Variants in LY96 observed in about 807,000 individuals in gnomAD.
LY96 encodes the protein lymphocyte antigen 96.
A neutral mutation model predicts 18.9 loss-of-function variants in LY96; 18 were observed. The ratio of observed to expected loss-of-function variants is 0.95; its 90% CI spans 0.66 to 1.41. The LOEUF (loss-of-function observed/expected upper bound fraction) is 1.41, where lower values mean the gene tolerates loss of function less well. Ranked by LOEUF, LY96 falls within the 40% of genes most tolerant of loss-of-function variation. The pLI, the probability that LY96 is intolerant of heterozygous loss-of-function variation, is 0.00. For synonymous variants in LY96, 66 were observed against 62.6 expected (o/e 1.06, Z -0.26); for missense variants, 175 against 182.4 (o/e 0.96, Z 0.23).
At chr8:74,009,729 G>A (rs1002679515) in intron 2 of LY96, among the ~76,000 whole-genome samples, 2 of 152,090 alleles carry the variant, frequency 1.3e-5, no homozygotes, top group South Asian at 4.1e-4. Flanking sequence ...TCTCAATGAA[G>A]TTATGAAGGC....
At chr8:74,049,795 A>C in the LY96 span, among the ~76,000 whole-genome samples, 1 of 152,188 alleles carries the variant, frequency 6.6e-6, no homozygotes, top group African/African-American at 2.4e-5. Flanking sequence ...AATTAATGGA[A>C]TATCCATGAG....
At chr8:73,997,779 C>T (rs577381743) in intron 1 of LY96, among the ~76,000 whole-genome samples, 18 of 152,288 alleles carry the variant, frequency 1.2e-4, no homozygotes, top group South Asian at 4.1e-4. Flanking sequence ...TTTATGTTTA[C>T]TGGTTTATTA....
At chr8:74,080,986 CTTTCTT>C in the LY96 span, among the ~76,000 whole-genome samples, 13 of 46,162 alleles carry the variant, frequency 2.8e-4, no homozygotes, top group Admixed American at 4.3e-4. Flanking sequence ...CTTTCTCTCT[CTTTCTT>C]TCTTTCTTTC....
the LY96 span, among the ~76,000 whole-genome samples, chr8:74,046,272 C>T: frequency 1.3e-5 from 2 of 152,146 alleles, no homozygotes; most frequent in Non-Finnish European, 2.9e-5. Context: ...GAGTGAGACT[C>T]CTTCTCAAAA....
chr8:74,008,859 G>A (rs2131266998), intron 2 of LY96, among the ~76,000 whole-genome samples: 1 of 152,260 alleles, frequency 6.6e-6, no homozygotes, highest in Non-Finnish European at 1.5e-5. Context: ...TCCAGGAGTC[G>A]ATGAAATAGA....
chr8:74,080,493 G>A, the LY96 span, among the ~76,000 whole-genome samples: 1 of 152,170 alleles, frequency 6.6e-6, no homozygotes, highest in African/African-American at 2.4e-5. Context: ...CATGCCCTGA[G>A]AGGCAAAAAA....
chr8:74,008,395 A>G (rs953044863), intron 2 of LY96, among the ~76,000 whole-genome samples: 8 of 152,196 alleles, frequency 5.3e-5, no homozygotes, highest in Non-Finnish European at 8.8e-5. Flanking sequence ...TACACACAGC[A>G]CTGCTTTTGG....
At chr8:74,026,522 C>T (rs1315749475) in intron 3 of LY96, among the ~76,000 whole-genome samples, 1 of 152,194 alleles carries the variant, frequency 6.6e-6, no homozygotes, top group African/African-American at 2.4e-5. Flanking sequence ...CTAGCTTGTT[C>T]ATCGTTTATT....
the LY96 span, among the ~76,000 whole-genome samples, chr8:74,081,048 T>TCTCTTTCTCTC: frequency 1.0e-5 from 1 of 96,998 alleles, no homozygotes; most frequent in African/African-American, 5.8e-5. Flanking sequence ...CTTTCTTTCT[T>TCTCTTTCTCTC]TTTCTTTCTT....
At chr8:74,094,247 G>C in the LY96 span, among the ~76,000 whole-genome samples, 1 of 150,350 alleles carries the variant, frequency 6.7e-6, no homozygotes. Context: ...GAGGTAGTGG[G>C]TGTGTGTATG....
downstream of LY96, among the ~76,000 whole-genome samples, chr8:74,032,594 CTCG>C (rs1816988483): frequency 6.6e-6 from 1 of 152,212 alleles, no homozygotes; most frequent in Non-Finnish European, 1.5e-5. Flanking sequence ...AGTCGGAGAG[CTCG>C]GTTTTTGGAG....
At chr8:73,992,255 G>T (rs927837535) in intron 1 of LY96, among the ~76,000 whole-genome samples, 1 of 152,072 alleles carries the variant, frequency 6.6e-6, no homozygotes, top group African/African-American at 2.4e-5. Flanking sequence ...GGATCTGAAG[G>T]CACAGTGTCA....
the LY96 span, among the ~76,000 whole-genome samples, chr8:74,088,148 T>TAGAATAGAATAGAATAGAATAGAAA: frequency 1.4e-5 from 2 of 144,620 alleles, no homozygotes; most frequent in African/African-American, 5.1e-5. Context: ...TAGAATAGAA[T>TAGAATAGAATAGAATAGAATAGAAA]AGAAAAGAAT....
intron 3 of LY96, among the ~76,000 whole-genome samples, chr8:74,025,661 A>G (rs1350626597): frequency 6.6e-6 from 1 of 151,436 alleles, no homozygotes; most frequent in Admixed American, 6.6e-5. Flanking sequence ...TCTCAAAAAA[A>G]AAAAAAAAAA....
chr8:74,039,656 C>T, the LY96 span, among the ~76,000 whole-genome samples: 1 of 152,120 alleles, frequency 6.6e-6, no homozygotes, highest in African/African-American at 2.4e-5. Context: ...GGGCCCTTCC[C>T]TTTTAGGTAG....
the LY96 span, among the ~76,000 whole-genome samples, chr8:74,081,012 TTC>T: frequency 3.1e-5 from 4 of 131,130 alleles, no homozygotes; most frequent in East Asian, 2.1e-4. Context: ...CTTTCTTTCT[TTC>T]TTTCTTTCTT....
the LY96 span, among the ~76,000 whole-genome samples, chr8:74,068,089 A>AAAATATATATATATATATATAT: frequency 1.5e-5 from 1 of 67,936 alleles, no homozygotes; most frequent in African/African-American, 9.6e-5. Context: ...AAAAAAAAAA[A>AAAATATATATATATATATATAT]ATATATATAT....
chr8:74,081,129 C>T, the LY96 span, among the ~76,000 whole-genome samples: 2 of 136,932 alleles, frequency 1.5e-5, no homozygotes, highest in African/African-American at 5.6e-5. Flanking sequence ...TTCTTTCCTT[C>T]CTTCCTTCCT....
the LY96 span, among the ~76,000 whole-genome samples, chr8:74,081,540 T>C: frequency 6.6e-6 from 1 of 151,848 alleles, no homozygotes; most frequent in African/African-American, 2.4e-5. Context: ...ACTACAGGTG[T>C]GAGCCATCAT....
Sources: gnomAD v4.1 joint callset for allele counts (sites outside exome capture counted in the v4.1 genomes callset) on GRCh38, gnomAD v4.1.1 for gene constraint, MANE v1.5 for transcripts, NCBI Gene and HGNC (gene_info 2026-07-23, HGNC 2026-07-21) for gene names.